Variants in INPP4B observed in about 807,000 individuals in gnomAD.
The protein encoded by INPP4B is inositol polyphosphate-4-phosphatase type II B.
In INPP4B, 55 loss-of-function variants were observed where a neutral mutation model predicts 122.5. The observed-to-expected ratio is 0.45, with a 90% CI of 0.36 to 0.56. The LOEUF (loss-of-function observed/expected upper bound fraction) is 0.56. Among genes scored for constraint, INPP4B ranks in the 20% least tolerant of loss-of-function variants. The pLI, the probability that INPP4B is intolerant of heterozygous loss-of-function variation, is 0.00. For missense variants in INPP4B, 1,000 were observed against 1,097.7 expected (o/e 0.91, Z 1.26); for synonymous variants, 403 against 388.7 (o/e 1.04, Z -0.43).
intron 8 of INPP4B, among the ~76,000 whole-genome samples, chr4:142,312,219 A>T (rs1765771364): frequency 6.6e-6 from 1 of 152,186 alleles, no homozygotes; most frequent in Non-Finnish European, 1.5e-5. Flanking sequence ...TCTCATTAAC[A>T]CGCCTTGATG....
chr4:142,439,287 G>C (rs1395081974), intron 3 of INPP4B, among the ~76,000 whole-genome samples: 1 of 152,138 alleles, frequency 6.6e-6, no homozygotes, highest in African/African-American at 2.4e-5. Context: ...GGCTCTTCCT[G>C]TGTAATTCTC....
At position 142,689,738 on chromosome 4, in the gene INPP4B, A is replaced by G. The variant is rs1759889986; in HGVS notation, c.-191+36101T>C. Among the ~76,000 whole-genome samples the G allele has an allele frequency of 3.9e-5, 6 of 152,320 alleles. No homozygotes were observed. In the South Asian group the frequency reaches 1.2e-3, roughly 32 times the overall value. ...CATAATATACTTCCTTTTCTAAAGC[A>G]TTAAAATATCTCACAGTTTTTAGAG... On this transcript the variant is annotated intron_variant, in intron 2 of 25. Coordinates refer to ENST00000262992, the MANE Select transcript of INPP4B (RefSeq NM_001101669.3).
intron 12 of INPP4B, among the ~76,000 whole-genome samples, chr4:142,222,654 G>T (rs1351396504): frequency 6.6e-6 from 1 of 152,180 alleles, no homozygotes; most frequent in African/African-American, 2.4e-5. Context: ...ATGTTGCTCA[G>T]CAGCTCCTAA....
At position 142,071,849 on chromosome 4, in the gene INPP4B, G is replaced by A. The variant is rs114282463; in HGVS notation, c.2642+10182C>T. Among the ~76,000 whole-genome samples the A allele has an allele frequency of 9.2e-3, 1,406 of 152,290 alleles. 15 individuals carry two copies. Among genetic ancestry groups the A allele is most frequent in the African/African-American group, 0.032 (1,334 of 41,568 alleles). ...AAGTAAGGAAACAACAGTTGCTGGA[G>A]GGAATGTGGAGAAATAGGAACACCT... On this transcript the variant is annotated intron_variant, in intron 25 of 25. Coordinates refer to ENST00000262992, the MANE Select transcript of INPP4B (RefSeq NM_001101669.3).
At chr4:142,109,408 C>T (rs1788862369) in intron 22 of INPP4B, among the ~76,000 whole-genome samples, 1 of 152,122 alleles carries the variant, frequency 6.6e-6, no homozygotes, top group Admixed American at 6.6e-5. Flanking sequence ...TATATTTCAT[C>T]ATATCAACTC....
At chr4:142,737,467 T>C (rs966722709) in intron 1 of INPP4B, among the ~76,000 whole-genome samples, 6 of 152,092 alleles carry the variant, frequency 3.9e-5, no homozygotes, top group African/African-American at 1.4e-4. Flanking sequence ...TAATTCAAGA[T>C]GGATTAAAGA....
chr4:142,795,464 T>C (rs1777109864), intron 1 of INPP4B: 1 of 152,108 alleles, frequency 6.6e-6, no homozygotes, highest in African/African-American at 2.4e-5. Flanking sequence ...TTTTTTGTTG[T>C]TGTTGTTTTT....
At chr4:142,323,997 C>T (rs149165480) in intron 7 of INPP4B, among the ~76,000 whole-genome samples, 114 of 152,098 alleles carry the variant, frequency 7.5e-4, no homozygotes, top group African/African-American at 2.4e-3. Flanking sequence ...TAGCTCAGAA[C>T]GTAATTATTT....
At chr4:142,771,940 A>C (rs1033347199) in intron 1 of INPP4B, among the ~76,000 whole-genome samples, 2 of 152,152 alleles carry the variant, frequency 1.3e-5, no homozygotes, top group African/African-American at 4.8e-5. Context: ...TTGAAGAAAA[A>C]CAGATTTGTC....
chr4:142,029,033 AT>A (rs895847209), intron 25 of INPP4B, 119 bp from the exon 26 acceptor site: 836 of 1,320,166 alleles, frequency 6.3e-4, no homozygotes, highest in South Asian at 1.9e-3. Flanking sequence ...TCAACTCTAC[AT>A]TTTTTTTTTC....
intron 2 of INPP4B, among the ~76,000 whole-genome samples, chr4:142,507,651 C>T (rs1824192527): frequency 6.6e-6 from 1 of 152,072 alleles, no homozygotes; most frequent in East Asian, 1.9e-4. Context: ...AATGCATGAT[C>T]ATCATTTGCT....
intron 2 of INPP4B, among the ~76,000 whole-genome samples, chr4:142,483,182 C>CCTTTTTTTTT (rs1820773579): frequency 4.1e-5 from 2 of 48,326 alleles, no homozygotes; most frequent in African/African-American, 2.0e-4. Context: ...TCAGGCTATG[C>CCTTTTTTTTT]TTTTTTTTTT....
At chr4:142,467,162 G>C (rs1028488363) in intron 2 of INPP4B, among the ~76,000 whole-genome samples, 1 of 152,224 alleles carries the variant, frequency 6.6e-6, no homozygotes, top group African/African-American at 2.4e-5. Flanking sequence ...GCCTAGTAGA[G>C]CTGTGGAAAG....
chr4:142,108,512 G>A (rs1452738065), intron 22 of INPP4B, among the ~76,000 whole-genome samples: 1 of 152,096 alleles, frequency 6.6e-6, no homozygotes, highest in African/African-American at 2.4e-5. Context: ...CACCTCTGTG[G>A]CAGGGCTACA....
chr4:142,711,206 A>G (rs1047014658), intron 2 of INPP4B, among the ~76,000 whole-genome samples: 1 of 152,192 alleles, frequency 6.6e-6, no homozygotes, highest in Non-Finnish European at 1.5e-5. Context: ...ACCTCCTTCC[A>G]GTCTTTGCTC....
At chr4:142,806,786 G>GAAGGAAGGAAAGAAAGAAAGAAA (rs1554013556) in intron 1 of INPP4B, among the ~76,000 whole-genome samples, 13 of 75,994 alleles carry the variant, frequency 1.7e-4, no homozygotes, top group South Asian at 1.1e-3. Flanking sequence ...AAAGAAAGAA[G>GAAGGAAGGAAAGAAAGAAAGAAA]GAAAGAAAGA....
intron 2 of INPP4B, among the ~76,000 whole-genome samples, chr4:142,506,497 T>C (rs1346221032): frequency 1.3e-5 from 2 of 152,154 alleles, no homozygotes; most frequent in African/African-American, 2.4e-5. Flanking sequence ...CAGCCTGTTA[T>C]AGAAAATCCA....
At chr4:142,136,243 G>A (rs193132937) in intron 18 of INPP4B, among the ~76,000 whole-genome samples, 2 of 152,304 alleles carry the variant, frequency 1.3e-5, no homozygotes, top group African/African-American at 4.8e-5. Context: ...GTGATCATTG[G>A]GCTGGCGTGA....
intron 7 of INPP4B, among the ~76,000 whole-genome samples, chr4:142,397,557 C>T (rs1395825406): frequency 6.6e-6 from 1 of 152,026 alleles, no homozygotes; most frequent in Non-Finnish European, 1.5e-5. Context: ...AAGAAACATG[C>T]GGCCGGGTGT....
Sources: gnomAD v4.1 joint callset for allele counts (sites outside exome capture counted in the v4.1 genomes callset) on GRCh38, gnomAD v4.1.1 for gene constraint, MANE v1.5 for transcripts, NCBI Gene and HGNC (gene_info 2026-07-23, HGNC 2026-07-21) for gene names.